Variants in ZNF98 observed in about 807,000 individuals in gnomAD.
The protein encoded by ZNF98 is zinc finger protein 98.
Under a neutral mutation model 12.8 loss-of-function variants are expected in ZNF98, and 8 were observed. The observed-to-expected ratio is 0.63, with a 90% CI of 0.37 to 1.13. ZNF98 has a LOEUF of 1.13. ZNF98 is among the 50% of genes most tolerant of loss of function. The pLI is 0.01. For missense variants in ZNF98, 379 were observed against 666.1 expected (o/e 0.57, Z 4.74); for synonymous variants, 112 against 223.5 (o/e 0.50, Z 4.45).
At chr19:22,402,168 T>C (rs1599385968) in intron 3 of ZNF98, among the ~76,000 whole-genome samples, 1 of 88,468 alleles carries the variant, frequency 1.1e-5, no homozygotes, top group Non-Finnish European at 2.0e-5. Context: ...AGAGCAAGAC[T>C]CCATCTCAAA....
At chr19:22,421,204 A>G (rs1402612308) in intron 1 of ZNF98, among the ~76,000 whole-genome samples, 1 of 152,238 alleles carries the variant, frequency 6.6e-6, no homozygotes, top group Non-Finnish European at 1.5e-5. Flanking sequence ...TTGTCAAAAA[A>G]TGATTAATTA....
chr19:22,417,459 C>T (rs1443235577), intron 1 of ZNF98, among the ~76,000 whole-genome samples: 1 of 151,994 alleles, frequency 6.6e-6, no homozygotes, highest in Non-Finnish European at 1.5e-5. Context: ...ATGTGTACCC[C>T]TGAACCAAAA....
chr19:22,412,763 A>G (rs988428905), intron 1 of ZNF98, among the ~76,000 whole-genome samples: 2 of 152,158 alleles, frequency 1.3e-5, no homozygotes, highest in African/African-American at 4.8e-5. Context: ...TTAATTCAAC[A>G]TACACGAGGT....
intron 1 of ZNF98, among the ~76,000 whole-genome samples, chr19:22,407,747 C>G (rs1156731569): frequency 6.6e-6 from 1 of 151,400 alleles, no homozygotes; most frequent in Non-Finnish European, 1.5e-5. Flanking sequence ...CAAAACAAAA[C>G]TGGCAAACCA....
chr19:22,409,913 C>CAAAAAAAAAAAA (rs71180546), intron 1 of ZNF98, among the ~76,000 whole-genome samples: 1 of 89,432 alleles, frequency 1.1e-5, no homozygotes, highest in Non-Finnish European at 2.2e-5. Context: ...CTCTATCTCA[C>CAAAAAAAAAAAA]AAAAAAAAAA....
At chr19:22,404,606 G>C (rs1969499077) in intron 1 of ZNF98, among the ~76,000 whole-genome samples, 1 of 152,212 alleles carries the variant, frequency 6.6e-6, no homozygotes, top group South Asian at 2.1e-4. Flanking sequence ...ATGATGTGCT[G>C]ATGCACACAG....
At chr19:22,414,524 A>G (rs60766279) in intron 1 of ZNF98, among the ~76,000 whole-genome samples, 2,581 of 152,260 alleles carry the variant, frequency 0.017, 71 homozygotes, top group African/African-American at 0.059. Context: ...GCAACATGGT[A>G]CTGGTACAAA....
Position 22,400,845 on chromosome 19 carries a change from C to T in ZNF98, c.253+1944G>A, listed in dbSNP as rs533733110. On this transcript the variant is annotated intron_variant, in intron 3 of 3. Coordinates refer to ENST00000357774, the MANE Select transcript of ZNF98 (RefSeq NM_001098626.2). ...GCACGCACCTGTAGTCCCAGCTACTCGGGAGGCAGAGGCAGGAGAATCACT... is the reference window on the plus strand; with the variant it reads ...GCACGCACCTGTAGTCCCAGCTACTTGGGAGGCAGAGGCAGGAGAATCACT... Among the ~76,000 whole-genome samples the T allele has an allele frequency of 2.8e-3, 414 of 146,414 alleles. 1 individual carries two copies. The highest frequency in any genetic ancestry group is 9.7e-3 in the African/African-American group (386 of 39,816).
chr19:22,393,494 C>G (rs1487628070), intron 3 of ZNF98, among the ~76,000 whole-genome samples: 1 of 151,702 alleles, frequency 6.6e-6, no homozygotes, highest in African/African-American at 2.4e-5. Flanking sequence ...ATATATAGAC[C>G]AATGGAACAG....
chr19:22,422,344 G>C lies in ZNF98; in HGVS notation c.-120C>G. On this transcript the variant is annotated 5_prime_UTR_variant, in exon 1 of 4. Coordinates refer to ENST00000357774, the MANE Select transcript of ZNF98 (RefSeq NM_001098626.2). ...AACTCCGGCTGCAGCGAGAGACAAAGACCCCGCCACATCCCGGAAGCCGCC... is the reference window on the plus strand; with the variant it reads ...AACTCCGGCTGCAGCGAGAGACAAACACCCCGCCACATCCCGGAAGCCGCC... 2 of 1,263,116 alleles carry C rather than the reference G, an allele frequency of 1.6e-6. No homozygotes were observed. Among genetic ancestry groups the C allele is most frequent in the Non-Finnish European group, 2.3e-6 (2 of 877,984 alleles). The allele number at this position is 1,263,116 out of a possible 1,614,324, so 78.2% of individuals were successfully genotyped here. A position where few individuals can be genotyped will look rare whatever the true frequency, so the allele number is the denominator to read the frequency against.
rs71180550 is a variant in ZNF98 at position 22,415,956 on chromosome 19, GACACACACACAC to G, written c.30+6227_30+6238del. 3.2e-3 allele frequency among the ~76,000 whole-genome samples: 352 copies of G among 111,342 alleles called. 1 individual carries two copies. Among genetic ancestry groups the G allele is most frequent in the Non-Finnish European group, 4.6e-3 (274 of 58,952 alleles). 73.0% of individuals were successfully genotyped at this position (111,342 alleles called of 152,430 possible). On this transcript the variant is annotated intron_variant, in intron 1 of 3. Coordinates refer to ENST00000357774, the MANE Select transcript of ZNF98 (RefSeq NM_001098626.2). ...TAAAAAAAAAAAAAAAAAAACTACA[GACACACACACAC>G]ACACACACACACACACACACACACA...
chr19:22,418,954 C>T (rs1259356715), intron 1 of ZNF98, among the ~76,000 whole-genome samples: 1 of 152,168 alleles, frequency 6.6e-6, no homozygotes, highest in Non-Finnish European at 1.5e-5. Flanking sequence ...TTTATCTCCG[C>T]CCCATAGGCT....
chr19:22,403,904 T>C (rs1213307006), intron 1 of ZNF98, among the ~76,000 whole-genome samples: 3 of 152,218 alleles, frequency 2.0e-5, no homozygotes, highest in Admixed American at 1.3e-4. Flanking sequence ...AAACTGGAGA[T>C]CTTGTTAATG....
In ZNF98 at chr19:22,391,665, C is replaced by T. The variant is rs200032481; in HGVS notation, c.1570G>A (p.Gly524Ser). The change falls in exon 4 of 4, where the codon GGC (glycine) becomes AGC (serine). Residue 524 changes from glycine (G) to serine (S), a missense_variant. By Grantham distance (56) the Gly-to-Ser change is moderately conservative. Around this residue, in one of 8 missense-constraint regions of ZNF98, gnomAD observed 59 missense variants for 50.3 expected, o/e 1.17. Coordinates refer to ENST00000357774, the MANE Select transcript of ZNF98 (RefSeq NM_001098626.2). ...ATAGAGGAGTTGTTAAAGGCTTTGC[C>T]GCATTCTTCACACTTGTAGGGTTTC... is the stretch of plus-strand genomic sequence containing the variant. Reference protein sequence around the residue: ...GEKPYKCEECGKAFNNSSILN... With the variant: ...GEKPYKCEECSKAFNNSSILN... 289 of 1,613,898 alleles carry T rather than the reference C, an allele frequency of 1.8e-4. 1 individual carries two copies. Among genetic ancestry groups the T allele is most frequent in the African/African-American group, 1.6e-3 (123 of 75,036 alleles).
At position 22,410,440 on chromosome 19, in the gene ZNF98, G is replaced by A. The variant is rs182384132; in HGVS notation, c.31-6928C>T. On this transcript the variant is annotated intron_variant, in intron 1 of 3. Transcript: ENST00000357774. The stretch of plus-strand genomic sequence containing the variant: ...CAGCCATACAAAGAAATGAGATCAC[G>A]TCCTTTGCAGGAACATGGATTAAGC... Among the ~76,000 whole-genome samples the A allele has an allele frequency of 3.9e-3, 596 of 152,248 alleles. 3 individuals are homozygous for A. The highest frequency in any genetic ancestry group is 0.018 in the South Asian group (87 of 4,824).
At chr19:22,417,857 G>A (rs867089494) in intron 1 of ZNF98, among the ~76,000 whole-genome samples, 25 of 152,200 alleles carry the variant, frequency 1.6e-4, no homozygotes, top group African/African-American at 6.0e-4. Flanking sequence ...TACAGCTGTG[G>A]GAAAAGGGGG....
intron 3 of ZNF98, among the ~76,000 whole-genome samples, chr19:22,400,934 C>A (rs1318138956): frequency 8.1e-6 from 1 of 123,596 alleles, no homozygotes; most frequent in African/African-American, 3.2e-5. Context: ...GTCTCAGCGA[C>A]AGAGTGAGAC....
In ZNF98 at chr19:22,391,440, T is replaced by C. The variant is rs1251799401; in HGVS notation, c.*76A>G. ...CCACACTGTTCACACTTGTAGAAGT[T>C]TTCTCCAGAATGAATTACCTTACCT... On this transcript the variant is annotated 3_prime_UTR_variant, in exon 4 of 4. Transcript: ENST00000357774. 6.7e-7 allele frequency: 1 copy of C among 1,501,138 alleles called. No individual in the cohort carries two copies. The allele number at this position is 1,501,138 out of a possible 1,614,324, so 93.0% of individuals were successfully genotyped here.
At chr19:22,395,185 A>AG (rs1339310279) in intron 3 of ZNF98, among the ~76,000 whole-genome samples, 1 of 151,200 alleles carries the variant, frequency 6.6e-6, no homozygotes, top group African/African-American at 2.4e-5. Flanking sequence ...AAAGAAAAAA[A>AG]AAAAAAAAAA....
Sources: allele counts gnomAD v4.1 joint callset (sites outside exome capture counted in the v4.1 genomes callset), GRCh38; gene constraint gnomAD v4.1.1; regional missense constraint gnomAD v4.1.1; transcripts MANE v1.5; gene names NCBI Gene and HGNC (gene_info 2026-07-23, HGNC 2026-07-21).